FBXO25: variants seen among roughly 807,000 people sequenced by gnomAD.
FBXO25 encodes F-box only protein 25.
FBXO25 carries 45 observed loss-of-function variants against 51.9 expected under a neutral mutation model. That is an observed-to-expected ratio of 0.87 (90% CI 0.68 to 1.11). The LOEUF (loss-of-function observed/expected upper bound fraction) is 1.11, where lower values mean the gene tolerates loss of function less well. Ranked by LOEUF, FBXO25 falls within the 50% of genes most tolerant of loss-of-function variation. The pLI, the probability that FBXO25 is intolerant of heterozygous loss-of-function variation, is 0.00. For missense variants in FBXO25, 507 were observed against 428.5 expected (o/e 1.18, Z -1.62); for synonymous variants, 199 against 151.0 (o/e 1.32, Z -2.33).
intron 3 of FBXO25, among the ~76,000 whole-genome samples, chr8:432,156 G>A (rs1313850102): frequency 6.6e-6 from 1 of 152,180 alleles, no homozygotes; most frequent in East Asian, 1.9e-4. Flanking sequence ...TACAGTAAGG[G>A]TTCTTTAAAT....
intron 2 of FBXO25, among the ~76,000 whole-genome samples, chr8:419,063 G>A (rs1039582436): frequency 6.6e-6 from 1 of 152,190 alleles, no homozygotes; most frequent in African/African-American, 2.4e-5. Context: ...GTCATCATTA[G>A]AAAGTCAGAG....
chr8:436,610 C>G (rs1401510274), intron 5 of FBXO25, among the ~76,000 whole-genome samples: 1 of 152,176 alleles, frequency 6.6e-6, no homozygotes, highest in Non-Finnish European at 1.5e-5. Context: ...CTGGTGTTTT[C>G]TGAGTCCTCC....
chr8:454,372 T>C (rs1272600143), intron 7 of FBXO25, among the ~76,000 whole-genome samples: 1 of 152,220 alleles, frequency 6.6e-6, no homozygotes. Flanking sequence ...GTTCACATGC[T>C]TCCTCACCCC....
chr8:442,725 C>G (rs996840986), intron 5 of FBXO25, among the ~76,000 whole-genome samples: 12 of 152,170 alleles, frequency 7.9e-5, no homozygotes, highest in Non-Finnish European at 1.5e-4. Flanking sequence ...CTGCCTCGGC[C>G]TCCCAAAGTG....
At chr8:468,295 G>A (rs1800322804) in intron 9 of FBXO25, 4 of 1,016,190 alleles carry the variant, frequency 3.9e-6, no homozygotes, top group Non-Finnish European at 4.7e-6. Flanking sequence ...ATGAATGGCG[G>A]GTGGAGGGAA....
chr8:429,965 T>C (rs1056414902), intron 2 of FBXO25, among the ~76,000 whole-genome samples: 1 of 152,182 alleles, frequency 6.6e-6, no homozygotes, highest in Non-Finnish European at 1.5e-5. Context: ...ATGGGCAGAG[T>C]TGGTTCCAGC....
At chr8:440,205 C>T (rs1460639984) in intron 5 of FBXO25, among the ~76,000 whole-genome samples, 1 of 152,190 alleles carries the variant, frequency 6.6e-6, no homozygotes, top group Non-Finnish European at 1.5e-5. Flanking sequence ...ACTTCATCAT[C>T]ACATCCATAG....
chr8:410,095 C>G (rs1266068975), intron 1 of FBXO25, among the ~76,000 whole-genome samples: 1 of 152,284 alleles, frequency 6.6e-6, no homozygotes, highest in African/African-American at 2.4e-5. Flanking sequence ...AAGATCGAGT[C>G]CTAGTTTCTA....
chr8:448,793 G>GCT, intron 5 of FBXO25, among the ~76,000 whole-genome samples: 1 of 152,226 alleles, frequency 6.6e-6, no homozygotes, highest in South Asian at 2.1e-4. Context: ...AGGGATGGAA[G>GCT]GAAGAAGGAG....
intron 5 of FBXO25, among the ~76,000 whole-genome samples, chr8:436,578 A>T (rs1178399658): frequency 6.6e-6 from 1 of 152,184 alleles, no homozygotes; most frequent in Admixed American, 6.5e-5. Flanking sequence ...AAGCCCAGCC[A>T]CCACATGCAG....
rs901636842 is a variant in FBXO25 at position 475,248 on chromosome 8, C to G, written c.*6444C>G. 1 of 268,628 alleles carries G rather than the reference C, an allele frequency of 3.7e-6. No homozygotes were observed. Among genetic ancestry groups the G allele is most frequent in the Non-Finnish European group, 7.1e-6 (1 of 140,132 alleles). The allele number at this position is 268,628 out of a possible 1,614,324, so 16.6% of individuals were successfully genotyped here. A position where few individuals can be genotyped will look rare whatever the true frequency, so the allele number is the denominator to read the frequency against. ...TTGGCACCATCAAAAATCATTTGACCCATATGTGCAAGGGTTTATTTGGGG... is the reference window on the plus strand; with the variant it reads ...TTGGCACCATCAAAAATCATTTGACGCATATGTGCAAGGGTTTATTTGGGG... On this transcript the variant is annotated 3_prime_UTR_variant, in exon 10 of 10. Transcript: ENST00000350302.
intron 5 of FBXO25, among the ~76,000 whole-genome samples, chr8:441,109 C>A (rs1185530319): frequency 2.0e-5 from 3 of 150,748 alleles, no homozygotes; most frequent in Admixed American, 2.0e-4. Flanking sequence ...TACCTGACTT[C>A]AGACTATATT....
intron 5 of FBXO25, among the ~76,000 whole-genome samples, chr8:441,644 C>G (rs1176878925): frequency 6.6e-6 from 1 of 152,124 alleles, no homozygotes; most frequent in Non-Finnish European, 1.5e-5. Context: ...CATCCAGAAT[C>G]TACAAAGAAC....
In FBXO25 at chr8:437,370, G is replaced by C. The variant is rs534375028; in HGVS notation, c.381+1663G>C. ...GGTGAGCTCAGGAAGCAAAAGGGCT[G>C]CAGTGTTGCATGGCTGTCCCAGCAC... is the stretch of plus-strand genomic sequence containing the variant. On this transcript the variant is annotated intron_variant, in intron 5 of 9. Coordinates refer to ENST00000350302, the MANE Select transcript of FBXO25 (RefSeq NM_183420.2). Among the ~76,000 whole-genome samples, 12 of 152,334 alleles carry C rather than the reference G, an allele frequency of 7.9e-5. No individual in the cohort carries two copies. The South Asian group carries it at 2.5e-3, about 32-fold the overall frequency.
chr8:452,650 G>A (rs895507712), intron 7 of FBXO25, among the ~76,000 whole-genome samples: 1 of 152,224 alleles, frequency 6.6e-6, no homozygotes, highest in African/African-American at 2.4e-5. Context: ...GGAAGGGGGT[G>A]TTTGGGAAAG....
In FBXO25 at chr8:427,089, C is replaced by T. The variant is rs1271904891; in HGVS notation, c.135-4252C>T. 1.6e-4 allele frequency among the ~76,000 whole-genome samples: 24 copies of T among 151,842 alleles called. No individual in the cohort carries two copies. The East Asian group carries it at 2.6e-3, about 16-fold the overall frequency. On this transcript the variant is annotated intron_variant, in intron 2 of 9. Coordinates refer to ENST00000350302, the MANE Select transcript of FBXO25 (RefSeq NM_183420.2). Reference sequence around the variant, plus strand: ...ATTTGCCTACCAGGAGAAAATAATACGACCTGATTGGAAAATGTACAGATA... The same window carrying T: ...ATTTGCCTACCAGGAGAAAATAATATGACCTGATTGGAAAATGTACAGATA...
intron 5 of FBXO25, among the ~76,000 whole-genome samples, chr8:438,378 T>G (rs1318475912): frequency 2.0e-5 from 3 of 152,190 alleles, no homozygotes; most frequent in Admixed American, 2.0e-4. Context: ...CAACTAATGT[T>G]TTATGTAAAA....
At chr8:448,351 C>A (rs1483913048) in intron 5 of FBXO25, among the ~76,000 whole-genome samples, 1 of 152,200 alleles carries the variant, frequency 6.6e-6, no homozygotes, top group African/African-American at 2.4e-5. Context: ...GCAAGAACCT[C>A]CCAATGGCTG....
chr8:440,080 TC>T (rs1415323730), intron 5 of FBXO25, among the ~76,000 whole-genome samples: 3 of 152,138 alleles, frequency 2.0e-5, no homozygotes, highest in Non-Finnish European at 4.4e-5. Context: ...CCCTGAGCCC[TC>T]CCAGGCGGGG....
Sources: gnomAD v4.1 joint callset for allele counts (sites outside exome capture counted in the v4.1 genomes callset) on GRCh38, gnomAD v4.1.1 for gene constraint, MANE v1.5 for transcripts, NCBI Gene and HGNC (gene_info 2026-07-23, HGNC 2026-07-21) for gene names.